The following RFC5 variants were observed in gnomAD, a reference collection of about 807,000 sequenced individuals.
RFC5 encodes replication factor C subunit 5, also known as A1 36 kDa subunit.
A neutral mutation model predicts 44.3 loss-of-function variants in RFC5; 26 were observed. The ratio of observed to expected loss-of-function variants is 0.59; its 90% CI spans 0.43 to 0.81. The LOEUF (loss-of-function observed/expected upper bound fraction) is 0.81, where lower values mean the gene tolerates loss of function less well. Among genes scored for constraint, RFC5 ranks in the 40% least tolerant of loss-of-function variants. The pLI, the probability that RFC5 is intolerant of heterozygous loss-of-function variation, is 0.00. For missense variants in RFC5, 328 were observed against 418.6 expected (o/e 0.78, Z 1.89); for synonymous variants, 155 against 155.2 (o/e 1.00, Z 0.01).
rs558564129 is a variant in RFC5, at chr12:118,027,909, G to A, written c.794-44G>A. The A allele has an allele frequency of 4.4e-4, 546 of 1,239,956 alleles. 4 individuals carry two copies. The South Asian group carries it at 6.3e-3, about 14-fold the overall frequency. 76.8% of individuals were successfully genotyped at this position (1,239,956 alleles called of 1,614,324 possible). ...TTGGATTCAAAATTCTCTGCAGTAT[G>A]TTTGTTCTGGAACTTGTTCCCTTTG... is the stretch of plus-strand genomic sequence containing the variant. On this transcript the variant is annotated intron_variant, in intron 8 of 10. Coordinates refer to ENST00000454402, the MANE Select transcript of RFC5 (RefSeq NM_007370.7).
At chr12:118,034,574 G>GCTCTCTCTCTCTCTCTCT (rs368693869), downstream of RFC5, 1,521 of 528,754 alleles carry the variant, frequency 2.9e-3, 12 homozygotes, top group Middle Eastern at 3.7e-3. Flanking sequence ...ATACCAAAGC[G>GCTCTCTCTCTCTCTCTCT]CTCTCTCTGT....
chr12:118,023,917 G>A (rs2030729843), intron 5 of RFC5, among the ~76,000 whole-genome samples: 2 of 152,268 alleles, frequency 1.3e-5, no homozygotes, highest in South Asian at 4.2e-4. Flanking sequence ...TTACCAGTTT[G>A]TGAAAGAGGG....
intron 10 of RFC5, among the ~76,000 whole-genome samples, 154 bp from the exon 11 acceptor site, chr12:118,031,028 G>T (rs2031284590): frequency 6.6e-6 from 1 of 152,052 alleles, no homozygotes; most frequent in South Asian, 2.1e-4. Context: ...ATGTTAGGGG[G>T]ACACATACAA....
At chr12:118,021,207 GTTTTT>G (rs879613030) in intron 4 of RFC5, among the ~76,000 whole-genome samples, 1 of 146,936 alleles carries the variant, frequency 6.8e-6, no homozygotes, top group Non-Finnish European at 1.5e-5. Context: ...TAGCAAGTTT[GTTTTT>G]TTTTTCTTTT....
At chr12:118,036,858 G>A (rs1421844643), downstream of RFC5, among the ~76,000 whole-genome samples, 3 of 152,172 alleles carry the variant, frequency 2.0e-5, no homozygotes, top group African/African-American at 7.2e-5. Context: ...ATGAAGACCT[G>A]AGCCAAGTGC....
intron 1 of RFC5, among the ~76,000 whole-genome samples, chr12:118,017,183 C>T (rs1222712941): frequency 6.6e-6 from 1 of 152,242 alleles, no homozygotes; most frequent in Non-Finnish European, 1.5e-5. Context: ...GATCCCGCGT[C>T]TCCTGACGCC....
At position 118,019,192 on chromosome 12, in the gene RFC5, C is replaced by T. The variant is rs1453501101; in HGVS notation, c.130+56C>T. On this transcript the variant is annotated intron_variant, in intron 2 of 10. Transcript: ENST00000454402. This position sits in a 1 kb window ranked among gnomAD's most constrained non-coding sequence, Gnocchi z 4.2. ...CTGCTTGAGCGACTTGTATAAATTG[C>T]TTGGTGATGTTGTCTCTCCTAAGTA... is the stretch of plus-strand genomic sequence containing the variant. 3.2e-6 allele frequency: 4 copies of T among 1,265,284 alleles called. No homozygotes were observed. The African/African-American group carries it at 5.9e-5, about 19-fold the overall frequency. The allele number at this position is 1,265,284 out of a possible 1,614,324, so 78.4% of individuals were successfully genotyped here. A position where few individuals can be genotyped will look rare whatever the true frequency, so the allele number is the denominator to read the frequency against.
downstream of RFC5, chr12:118,036,433 G>A (rs34253698): frequency 2.4e-3 from 3,839 of 1,614,194 alleles, 92 homozygotes; most frequent in African/African-American, 0.045. Flanking sequence ...CGGGGGAGAA[G>A]TCACAAGAGA....
intron 1 of RFC5, among the ~76,000 whole-genome samples, chr12:118,017,270 C>G (rs2030155884): frequency 6.6e-6 from 1 of 152,216 alleles, no homozygotes; most frequent in Non-Finnish European, 1.5e-5. Flanking sequence ...ACATTTTAAA[C>G]TAGTAATAAC....
At chr12:118,028,061 T>C (rs2031072426) in intron 9 of RFC5, 31 bp downstream of exon 9, 1 of 1,418,060 alleles carries the variant, frequency 7.1e-7, no homozygotes, top group African/African-American at 1.4e-5. Flanking sequence ...GCTGAGAAGC[T>C]GTGGAGAAGG....
chr12:118,027,683 A>AAAAAG (rs537429510), intron 8 of RFC5, among the ~76,000 whole-genome samples: 1,888 of 149,212 alleles, frequency 0.013, 32 homozygotes, highest in Middle Eastern at 0.065. Context: ...AAAAAAAAAA[A>AAAAAG]AAAGAAAGAA....
chr12:118,036,952 T>C (rs1362167079), downstream of RFC5, among the ~76,000 whole-genome samples: 1 of 151,770 alleles, frequency 6.6e-6, no homozygotes, highest in Non-Finnish European at 1.5e-5. Context: ...GTGGCTGAGG[T>C]GGGTGGATCA....
intron 1 of RFC5, chr12:118,018,141 T>G (rs1247159234): frequency 1.6e-6 from 1 of 626,142 alleles, no homozygotes; most frequent in Non-Finnish European, 2.9e-6. Context: ...TGTTGCTGCT[T>G]GTATCAGTAG....
At chr12:118,035,553 T>C (rs2031492592), downstream of RFC5, 1 of 504,882 alleles carries the variant, frequency 2.0e-6, no homozygotes, top group Non-Finnish European at 3.6e-6. Flanking sequence ...TTGTGCTAAT[T>C]TGCTTATGCA....
chr12:118,029,287 G>A (rs994973418), intron 9 of RFC5, among the ~76,000 whole-genome samples: 1 of 152,136 alleles, frequency 6.6e-6, no homozygotes, highest in Non-Finnish European at 1.5e-5. Flanking sequence ...GCAAGGTGGC[G>A]CACACCTGTA....
In RFC5 at chr12:118,019,646, A is replaced by T. The variant is rs767863480; in HGVS notation, c.145A>T (p.Asn49Tyr). ...DILSTIQKFI[N>Y]EDRLPHLLLY... The stretch of plus-strand genomic sequence containing the variant: ...CTGATCCTCAGTTCAGAAGTTTATC[A>T]ATGAAGACCGACTGCCACACTTGCT... The change falls in exon 3 of 11, where the codon AAT (asparagine) becomes TAT (tyrosine). Residue 49 changes from asparagine to tyrosine, a missense_variant. Coordinates refer to ENST00000454402, the MANE Select transcript of RFC5 (RefSeq NM_007370.7). This position sits in a 1 kb window ranked among gnomAD's most constrained non-coding sequence, Gnocchi z 4.2. 4 of 1,614,072 alleles carry T rather than the reference A, an allele frequency of 2.5e-6. No homozygotes were observed. In the South Asian group the frequency reaches 4.4e-5, roughly 18 times the overall value.
chr12:118,032,334 A>G (rs1449352688), downstream of RFC5: 1 of 152,234 alleles, frequency 6.6e-6, no homozygotes, highest in Non-Finnish European at 1.5e-5. Flanking sequence ...GTATGAAGCT[A>G]AATATCTGAT....
the RFC5 span, among the ~76,000 whole-genome samples, chr12:118,038,831 C>A: frequency 6.6e-6 from 1 of 152,144 alleles, no homozygotes; most frequent in African/African-American, 2.4e-5. Flanking sequence ...CAGGGATGTG[C>A]CACTGCGCCC....
chr12:118,029,878 G>C, intron 10 of RFC5, 53 bp downstream of exon 10: 1 of 1,310,710 alleles, frequency 7.6e-7, no homozygotes, highest in Non-Finnish European at 1.1e-6. Flanking sequence ...TTCCCCTGTT[G>C]TGAGTTATTT....
Sources: gnomAD v4.1 joint callset for allele counts (sites outside exome capture counted in the v4.1 genomes callset) on GRCh38, gnomAD v4.1.1 for gene constraint, Gnocchi (gnomAD v3.1) non-coding constraint, MANE v1.5 for transcripts, NCBI Gene and HGNC (gene_info 2026-07-23, HGNC 2026-07-21) for gene names.